Variants in AGBL4 observed in about 807,000 individuals in gnomAD.
AGBL4 encodes cytosolic carboxypeptidase 6.
Under a neutral mutation model 66.4 loss-of-function variants are expected in AGBL4, and 58 were observed. The observed-to-expected ratio is 0.87, with a 90% CI of 0.71 to 1.09. The LOEUF is 1.09. Ranked by LOEUF, AGBL4 falls within the 50% of genes least tolerant of loss-of-function variation. The pLI, the probability that AGBL4 is intolerant of heterozygous loss-of-function variation, is 0.00. For missense variants in AGBL4, 579 were observed against 631.0 expected (o/e 0.92, Z 0.88); for synonymous variants, 234 against 222.9 (o/e 1.05, Z -0.44).
chr1:49,494,319 CA>C (rs1570864125), intron 3 of AGBL4, among the ~76,000 whole-genome samples: 1 of 151,702 alleles, frequency 6.6e-6, no homozygotes, highest in East Asian at 1.9e-4. Flanking sequence ...TACATGTGCA[CA>C]ATGTGCAGGT....
At chr1:48,813,563 C>G (rs138118047) in intron 6 of AGBL4, among the ~76,000 whole-genome samples, 1 of 152,122 alleles carries the variant, frequency 6.6e-6, no homozygotes, top group African/African-American at 2.4e-5. Flanking sequence ...GGAAGCCTCA[C>G]GTATTATCTC....
chr1:49,906,972 T>C (rs1650339085), intron 1 of AGBL4, among the ~76,000 whole-genome samples: 2 of 152,130 alleles, frequency 1.3e-5, no homozygotes, highest in African/African-American at 4.8e-5. Context: ...ATATATTTTT[T>C]CTACTTAAGT....
intron 2 of AGBL4, among the ~76,000 whole-genome samples, chr1:49,832,709 T>C (rs946352762): frequency 5.9e-5 from 9 of 152,138 alleles, no homozygotes; most frequent in African/African-American, 2.2e-4. Flanking sequence ...TGAGATGGTA[T>C]CTCATTGTGG....
At chr1:49,747,424 T>C (rs1651071686) in intron 2 of AGBL4, among the ~76,000 whole-genome samples, 1 of 152,138 alleles carries the variant, frequency 6.6e-6, no homozygotes, top group Non-Finnish European at 1.5e-5. Flanking sequence ...GGGATAAATA[T>C]AACATAAGAA....
At chr1:48,568,827 T>C (rs1402754264) in intron 11 of AGBL4, among the ~76,000 whole-genome samples, 1 of 152,186 alleles carries the variant, frequency 6.6e-6, no homozygotes, top group East Asian at 1.9e-4. Context: ...CTCTCTACCT[T>C]ATGTGTCCTT....
intron 4 of AGBL4, among the ~76,000 whole-genome samples, chr1:49,162,288 T>C (rs1443306634): frequency 2.0e-5 from 3 of 152,186 alleles, no homozygotes; most frequent in African/African-American, 7.2e-5. Context: ...AATTGACATT[T>C]ACTCTGTCCA....
At chr1:49,503,394 G>A (rs1254511287) in intron 3 of AGBL4, among the ~76,000 whole-genome samples, 1 of 152,168 alleles carries the variant, frequency 6.6e-6, no homozygotes, top group Non-Finnish European at 1.5e-5. Flanking sequence ...AGGGAAATAT[G>A]GGGTTGGAGC....
chr1:50,011,914 C>T (rs894360140), intron 1 of AGBL4, among the ~76,000 whole-genome samples: 4 of 152,024 alleles, frequency 2.6e-5, no homozygotes, highest in African/African-American at 9.7e-5. Flanking sequence ...AATCCCAGCA[C>T]TTTGGGAGGC....
intron 1 of AGBL4, among the ~76,000 whole-genome samples, chr1:49,983,736 T>C (rs1174540525): frequency 6.6e-6 from 1 of 152,242 alleles, no homozygotes; most frequent in Non-Finnish European, 1.5e-5. Flanking sequence ...TTTTCATACT[T>C]GCAGAAGTTC....
chr1:48,793,643 G>A (rs752428215), intron 6 of AGBL4, among the ~76,000 whole-genome samples: 2 of 151,998 alleles, frequency 1.3e-5, no homozygotes, highest in African/African-American at 4.8e-5. Flanking sequence ...ACAACTCCAC[G>A]GACTGTTGCC....
chr1:49,036,271 G>A (rs560327345), intron 5 of AGBL4, among the ~76,000 whole-genome samples: 1 of 152,154 alleles, frequency 6.6e-6, no homozygotes, highest in African/African-American at 2.4e-5. Flanking sequence ...AGAAGCTAAT[G>A]TAAATTCTGA....
intron 3 of AGBL4, among the ~76,000 whole-genome samples, chr1:49,657,222 C>A (rs1207539607): frequency 6.6e-6 from 1 of 152,106 alleles, no homozygotes; most frequent in Non-Finnish European, 1.5e-5. Flanking sequence ...AACAGACAAA[C>A]AGAGAGCCAA....
intron 2 of AGBL4, among the ~76,000 whole-genome samples, chr1:49,762,928 C>T (rs942614256): frequency 6.6e-6 from 1 of 152,090 alleles, no homozygotes; most frequent in Admixed American, 6.5e-5. Context: ...TCTGTACTTT[C>T]GAGGCCTTAT....
At chr1:48,701,631 T>A (rs1051175605) in intron 6 of AGBL4, among the ~76,000 whole-genome samples, 7 of 152,142 alleles carry the variant, frequency 4.6e-5, no homozygotes, top group African/African-American at 1.7e-4. Context: ...TCAAGTTAGA[T>A]AATAGACATT....
chr1:49,941,585 T>A (rs1654762698), intron 1 of AGBL4, among the ~76,000 whole-genome samples: 1 of 152,002 alleles, frequency 6.6e-6, no homozygotes, highest in South Asian at 2.1e-4. Context: ...ATAAGAAAAT[T>A]AATAAATGTG....
At chr1:49,748,119 G>A (rs998303846) in intron 2 of AGBL4, among the ~76,000 whole-genome samples, 27 of 152,044 alleles carry the variant, frequency 1.8e-4, no homozygotes, top group African/African-American at 4.8e-4. Context: ...CCATCAAACC[G>A]TCATCTACAT....
At chr1:49,241,589 A>G (rs1279307790) in intron 4 of AGBL4, among the ~76,000 whole-genome samples, 3 of 152,068 alleles carry the variant, frequency 2.0e-5, no homozygotes, top group Non-Finnish European at 4.4e-5. Flanking sequence ...ATAGTAGACT[A>G]TAAGCTATGA....
chr1:48,627,862 A>G (rs934613089), intron 9 of AGBL4, among the ~76,000 whole-genome samples: 2 of 151,682 alleles, frequency 1.3e-5, no homozygotes, highest in East Asian at 1.9e-4. Flanking sequence ...AAACCCATTC[A>G]CCTCCCCAGA....
chr1:48,788,243 G>T (rs1193818428), intron 6 of AGBL4, among the ~76,000 whole-genome samples: 3 of 152,230 alleles, frequency 2.0e-5, no homozygotes, highest in Admixed American at 1.3e-4. Flanking sequence ...ACTATGAGTT[G>T]CCTTTTTCAT....
Sources: gnomAD v4.1 joint callset for allele counts (sites outside exome capture counted in the v4.1 genomes callset) on GRCh38, gnomAD v4.1.1 for gene constraint, MANE v1.5 for transcripts, NCBI Gene and HGNC (gene_info 2026-07-23, HGNC 2026-07-21) for gene names.